GPC5: variants seen among roughly 807,000 people sequenced by gnomAD.
GPC5 encodes the protein glypican 5.
A neutral mutation model predicts 53.9 loss-of-function variants in GPC5; 47 were observed. The ratio of observed to expected loss-of-function variants is 0.87; its 90% CI spans 0.69 to 1.11. The LOEUF (loss-of-function observed/expected upper bound fraction) is 1.11, where lower values mean the gene tolerates loss of function less well. Among genes scored for constraint, GPC5 ranks in the 50% most tolerant of loss-of-function variants. The pLI, the probability that GPC5 is intolerant of heterozygous loss-of-function variation, is 0.00. For missense variants in GPC5, 748 were observed against 713.1 expected, an observed-to-expected ratio of 1.05 and a Z score of -0.56; for synonymous variants, 286 against 263.3, an observed-to-expected ratio of 1.09 and a Z score of -0.84.
intron 7 of GPC5, among the ~76,000 whole-genome samples, chr13:92,422,617 T>TGTTCA (rs1876629312): frequency 6.6e-6 from 1 of 152,094 alleles, no homozygotes; most frequent in African/African-American, 2.4e-5. Context: ...TTCTCCCCAC[T>TGTTCA]GTTCAACTGT....
chr13:91,434,299 T>G (rs1426704284), intron 1 of GPC5, among the ~76,000 whole-genome samples: 1 of 152,196 alleles, frequency 6.6e-6, no homozygotes, highest in Admixed American at 6.5e-5. Context: ...TGAATGGTAT[T>G]GCCTAGGTTT....
intron 6 of GPC5, among the ~76,000 whole-genome samples, chr13:92,019,409 ATG>A (rs1205711017): frequency 6.6e-6 from 1 of 152,056 alleles, no homozygotes; most frequent in Non-Finnish European, 1.5e-5. Flanking sequence ...GTGTATGTGA[ATG>A]TGTGTGTGTA....
At chr13:92,269,696 A>G (rs941893444) in intron 7 of GPC5, among the ~76,000 whole-genome samples, 6 of 152,102 alleles carry the variant, frequency 3.9e-5, no homozygotes, top group African/African-American at 1.2e-4. Context: ...GTGAGCCACC[A>G]CACCTGGCCC....
intron 5 of GPC5, among the ~76,000 whole-genome samples, chr13:91,773,000 G>T (rs1284400139): frequency 1.3e-5 from 2 of 152,100 alleles, no homozygotes; most frequent in Non-Finnish European, 2.9e-5. Flanking sequence ...TGGATTTCAT[G>T]ATATGACTAA....
At chr13:91,598,072 C>A (rs1264292627) in intron 2 of GPC5, among the ~76,000 whole-genome samples, 1 of 152,110 alleles carries the variant, frequency 6.6e-6, no homozygotes, top group South Asian at 2.1e-4. Flanking sequence ...CTTTAAAACT[C>A]TACAAGTTTA....
At chr13:92,210,219 A>G (rs183569882) in intron 7 of GPC5, among the ~76,000 whole-genome samples, 1 of 152,306 alleles carries the variant, frequency 6.6e-6, no homozygotes, top group East Asian at 1.9e-4. Flanking sequence ...TTAACATGTT[A>G]TCAGTATTAC....
chr13:92,021,709 A>G (rs1370614667), intron 6 of GPC5, among the ~76,000 whole-genome samples: 3 of 152,222 alleles, frequency 2.0e-5, no homozygotes, highest in African/African-American at 7.2e-5. Flanking sequence ...TCAATAGCCT[A>G]ACAATAGGCT....
At chr13:92,368,535 T>G (rs2139290781) in intron 7 of GPC5, among the ~76,000 whole-genome samples, 1 of 149,268 alleles carries the variant, frequency 6.7e-6, no homozygotes, top group Middle Eastern at 3.5e-3. Flanking sequence ...TCCCAGCTAC[T>G]TAGGAGGCTG....
chr13:92,249,148 G>A (rs2042674537), intron 7 of GPC5, among the ~76,000 whole-genome samples: 1 of 152,160 alleles, frequency 6.6e-6, no homozygotes, highest in South Asian at 2.1e-4. Flanking sequence ...ATCACTTCAA[G>A]CATTTAACCT....
chr13:91,445,156 T>C (rs1364925006), intron 1 of GPC5, among the ~76,000 whole-genome samples: 2 of 152,254 alleles, frequency 1.3e-5, no homozygotes, highest in Non-Finnish European at 2.9e-5. Flanking sequence ...CGTTATTTTT[T>C]CTTTTCTTAA....
intron 7 of GPC5, among the ~76,000 whole-genome samples, chr13:92,835,725 C>T (rs1429236452): frequency 6.6e-6 from 1 of 151,794 alleles, no homozygotes; most frequent in East Asian, 1.9e-4. Flanking sequence ...TTCACATAAC[C>T]TAGTTAACAT....
At chr13:91,740,782 G>A (rs928978627) in intron 4 of GPC5, among the ~76,000 whole-genome samples, 1 of 152,154 alleles carries the variant, frequency 6.6e-6, no homozygotes, top group African/African-American at 2.4e-5. Flanking sequence ...TCTAAAGCAG[G>A]CCAGGCAGAG....
At chr13:92,292,466 T>C (rs1231258913) in intron 7 of GPC5, among the ~76,000 whole-genome samples, 1 of 152,166 alleles carries the variant, frequency 6.6e-6, no homozygotes, top group East Asian at 1.9e-4. Context: ...TGTTGGCCAT[T>C]TGTGTATCAT....
At chr13:92,012,310 A>G (rs993178540) in intron 6 of GPC5, among the ~76,000 whole-genome samples, 18 of 152,176 alleles carry the variant, frequency 1.2e-4, no homozygotes, top group African/African-American at 4.1e-4. Flanking sequence ...ATAGGAACTT[A>G]AACTATCAAA....
intron 7 of GPC5, among the ~76,000 whole-genome samples, chr13:92,622,548 T>C (rs1884909416): frequency 1.3e-5 from 2 of 152,140 alleles, no homozygotes; most frequent in Admixed American, 6.5e-5. Context: ...TAACATTTTG[T>C]ACTATTCCAT....
intron 7 of GPC5, among the ~76,000 whole-genome samples, chr13:92,263,254 T>G (rs2042778960): frequency 6.6e-6 from 1 of 152,198 alleles, no homozygotes; most frequent in Middle Eastern, 3.4e-3. Flanking sequence ...TGAATAAAAG[T>G]TGTCACTTGG....
At chr13:91,943,800 T>C (rs967680636) in intron 6 of GPC5, among the ~76,000 whole-genome samples, 4 of 152,186 alleles carry the variant, frequency 2.6e-5, no homozygotes, top group Admixed American at 1.3e-4. Flanking sequence ...GATGTAACAT[T>C]GTTAAATCAT....
intron 7 of GPC5, among the ~76,000 whole-genome samples, chr13:92,488,481 C>T (rs1016694738): frequency 6.6e-6 from 1 of 152,174 alleles, no homozygotes; most frequent in African/African-American, 2.4e-5. Context: ...CTGCAAAAAT[C>T]CCTCCGTTGC....
intron 6 of GPC5, among the ~76,000 whole-genome samples, chr13:91,914,665 TAGGATACCG>T (rs142215144): frequency 3.3e-5 from 5 of 149,430 alleles, no homozygotes; most frequent in African/African-American, 2.4e-5. Flanking sequence ...ACTCTGTTCT[TAGGATACCG>T]ATATAATAAA....
Sources: allele counts gnomAD v4.1 joint callset (sites outside exome capture counted in the v4.1 genomes callset), GRCh38; gene constraint gnomAD v4.1.1; transcripts MANE v1.5; gene names NCBI Gene and HGNC (gene_info 2026-07-23, HGNC 2026-07-21).